The following GLRA3 variants were observed in gnomAD, a reference collection of about 807,000 sequenced individuals.
The protein encoded by GLRA3 is glycine receptor subunit alpha-3.
In GLRA3, 44 loss-of-function variants were observed where a neutral mutation model predicts 60.4. The ratio of observed to expected loss-of-function variants is 0.73; its 90% CI spans 0.57 to 0.94. The LOEUF is 0.94. Among genes scored for constraint, GLRA3 ranks in the 40% least tolerant of loss-of-function variants. GLRA3 has a pLI of 0.00. For synonymous variants in GLRA3, 223 were observed against 192.9 expected, an observed-to-expected ratio of 1.16 and a Z score of -1.29; for missense variants, 508 against 564.6, an observed-to-expected ratio of 0.90 and a Z score of 1.02.
chr4:174,737,364 G>C (rs1380794446), intron 3 of GLRA3, among the ~76,000 whole-genome samples: 4 of 152,130 alleles, frequency 2.6e-5, no homozygotes, highest in Non-Finnish European at 4.4e-5. Context: ...AAAAGATATG[G>C]TTTAGTAAAT....
intron 5 of GLRA3, among the ~76,000 whole-genome samples, chr4:174,693,930 T>G (rs1734955336): frequency 1.3e-5 from 2 of 152,086 alleles, no homozygotes; most frequent in South Asian, 4.1e-4. Flanking sequence ...AAGCAAGGGT[T>G]GCAATCCTGG....
At chr4:174,692,488 GGAATA>G (rs1734885885) in intron 5 of GLRA3, among the ~76,000 whole-genome samples, 1 of 150,722 alleles carries the variant, frequency 6.6e-6, no homozygotes, top group African/African-American at 2.4e-5. Flanking sequence ...GCGGTTTTGT[GGAATA>G]GAAAGGGGGG....
intron 3 of GLRA3, among the ~76,000 whole-genome samples, chr4:174,739,596 A>G (rs1736931443): frequency 6.6e-6 from 1 of 152,218 alleles, no homozygotes; most frequent in Non-Finnish European, 1.5e-5. Context: ...CCCAAGGTAG[A>G]GAATCATAGG....
chr4:174,715,289 T>C (rs1735872335), intron 5 of GLRA3, among the ~76,000 whole-genome samples, 199 bp downstream of exon 5: 1 of 152,230 alleles, frequency 6.6e-6, no homozygotes, highest in Admixed American at 6.5e-5. Flanking sequence ...TTTTAGATCC[T>C]CAATTTGTTT....
intron 8 of GLRA3, among the ~76,000 whole-genome samples, chr4:174,657,111 A>G (rs1300950037): frequency 2.6e-5 from 4 of 152,160 alleles, no homozygotes; most frequent in Admixed American, 6.6e-5. Flanking sequence ...GAGAAAATGA[A>G]TGTTTCCCTC....
chr4:174,732,228 G>A (rs377231695), intron 3 of GLRA3, among the ~76,000 whole-genome samples: 3 of 151,984 alleles, frequency 2.0e-5, no homozygotes, highest in African/African-American at 4.8e-5. Context: ...GGTGGCGTGC[G>A]CCTGTAGTCC....
intron 1 of GLRA3, among the ~76,000 whole-genome samples, chr4:174,820,873 T>A (rs1740716091): frequency 6.6e-6 from 1 of 152,078 alleles, no homozygotes; most frequent in Non-Finnish European, 1.5e-5. Context: ...AGTAGTATTT[T>A]ACTTGTTGCC....
At chr4:174,648,761 T>C (rs976810504) in intron 9 of GLRA3, among the ~76,000 whole-genome samples, 1 of 152,072 alleles carries the variant, frequency 6.6e-6, no homozygotes, top group Admixed American at 6.6e-5. Flanking sequence ...GTTTTACTGA[T>C]GAGAAGAAAA....
intron 1 of GLRA3, among the ~76,000 whole-genome samples, chr4:174,796,912 T>C (rs1029482105): frequency 6.6e-6 from 1 of 152,096 alleles, no homozygotes; most frequent in Non-Finnish European, 1.5e-5. Flanking sequence ...TTAATATATT[T>C]CTCCTAAAAC....
At chr4:174,660,058 GTA>G (rs1240746531) in intron 7 of GLRA3, among the ~76,000 whole-genome samples, 1 of 150,388 alleles carries the variant, frequency 6.6e-6, no homozygotes, top group Non-Finnish European at 1.5e-5. Context: ...GTATGTGTGT[GTA>G]TATATATATA....
intron 2 of GLRA3, among the ~76,000 whole-genome samples, chr4:174,776,537 TA>T (rs1181899166): frequency 1.3e-5 from 2 of 151,948 alleles, no homozygotes; most frequent in Non-Finnish European, 2.9e-5. Flanking sequence ...CGCATTAAAT[TA>T]GCAGTCTACT....
chr4:174,786,932 A>G (rs1009747118), intron 2 of GLRA3, among the ~76,000 whole-genome samples: 5 of 152,134 alleles, frequency 3.3e-5, no homozygotes, highest in Non-Finnish European at 7.4e-5. Context: ...ATCACCTCTG[A>G]ACTGGCTTGG....
chr4:174,663,998 T>C (rs1157527426), intron 7 of GLRA3, among the ~76,000 whole-genome samples: 3 of 152,160 alleles, frequency 2.0e-5, no homozygotes. Flanking sequence ...ACTAATGAGG[T>C]GCACTGGTCA....
intron 1 of GLRA3, among the ~76,000 whole-genome samples, chr4:174,796,622 C>G (rs145116149): frequency 2.9e-3 from 441 of 152,000 alleles, no homozygotes; most frequent in African/African-American, 9.9e-3. Flanking sequence ...CTGAAACCTC[C>G]GCCTCCTGGG....
chr4:174,637,714 TG>T lies in GLRA3; in HGVS notation c.*6071del, dbSNP rs1732530552. ...ACACAATATGGTTAATATGGTTTGC[TG>T]CTAGTTTTTTTAAATTCATATTACT... is the stretch of plus-strand genomic sequence containing the variant. On this transcript the variant is annotated 3_prime_UTR_variant, in exon 10 of 10. Coordinates refer to ENST00000274093, the MANE Select transcript of GLRA3 (RefSeq NM_006529.4). 2 of 152,216 alleles carry T rather than the reference TG, an allele frequency of 1.3e-5. No homozygotes were observed. The highest frequency in any genetic ancestry group is 1.5e-5 in the Non-Finnish European group (1 of 68,034). 9.4% of individuals were successfully genotyped at this position (152,216 alleles called of 1,614,324 possible).
At chr4:174,733,201 G>T (rs75912726) in intron 3 of GLRA3, among the ~76,000 whole-genome samples, 7,623 of 152,136 alleles carry the variant, frequency 0.05, 225 homozygotes, top group South Asian at 0.11. Flanking sequence ...GCCTCTAGAA[G>T]CTGTAAAAGC....
chr4:174,657,475 A>G (rs1733255326), intron 8 of GLRA3, among the ~76,000 whole-genome samples: 1 of 152,172 alleles, frequency 6.6e-6, no homozygotes, highest in South Asian at 2.1e-4. Context: ...TCATAATGAT[A>G]GGGAACATGC....
At position 174,659,100 on chromosome 4, in the gene GLRA3, CTT is replaced by C. The variant is rs748414872; in HGVS notation, c.1023_1024del (p.Arg342ThrfsTer15). On this transcript the variant is annotated frameshift_variant, in exon 8 of 10. Transcript: ENST00000274093. LOFTEE classifies it high-confidence loss of function. ...AAATCTCAGAAGTTCTTTGTGTTGT[CTT>C]GATACAAAATTTACAGCTGCATACT... 1 of 1,612,916 alleles carries C rather than the reference CTT, an allele frequency of 6.2e-7. No homozygotes were observed. Among genetic ancestry groups the C allele is most frequent in the South Asian group, 1.1e-5 (1 of 91,038 alleles).
chr4:174,800,010 A>G (rs1739744676), intron 1 of GLRA3, among the ~76,000 whole-genome samples: 1 of 152,182 alleles, frequency 6.6e-6, no homozygotes. Context: ...GAATTTCAAC[A>G]TGGAAATCTA....
Sources: allele counts gnomAD v4.1 joint callset (sites outside exome capture counted in the v4.1 genomes callset), GRCh38; gene constraint gnomAD v4.1.1; transcripts MANE v1.5; gene names NCBI Gene and HGNC (gene_info 2026-07-23, HGNC 2026-07-21).